UNC5D: variants seen among roughly 807,000 people sequenced by gnomAD.
The protein encoded by UNC5D is netrin receptor UNC5D.
Under a neutral mutation model 105.4 loss-of-function variants are expected in UNC5D, and 39 were observed. The observed-to-expected ratio is 0.37, with a 90% CI of 0.29 to 0.48. The LOEUF is 0.48. UNC5D is among the 20% of genes least tolerant of loss of function. The pLI, the probability that UNC5D is intolerant of heterozygous loss-of-function variation, is 0.98. For missense variants in UNC5D, 991 were observed against 1,202.4 expected, an observed-to-expected ratio of 0.82 and a Z score of 2.60; for synonymous variants, 452 against 450.4, an observed-to-expected ratio of 1.00 and a Z score of -0.04.
chr8:35,600,821 A>AT (rs1472153953), intron 4 of UNC5D, among the ~76,000 whole-genome samples: 2 of 151,918 alleles, frequency 1.3e-5, no homozygotes, highest in East Asian at 3.9e-4. Context: ...CCATTTGTCA[A>AT]TTTTGTCTTT....
At chr8:35,331,508 C>T (rs1369340072) in intron 1 of UNC5D, among the ~76,000 whole-genome samples, 2 of 152,100 alleles carry the variant, frequency 1.3e-5, no homozygotes, top group Non-Finnish European at 2.9e-5. Flanking sequence ...AGCCTCCTCG[C>T]CTGTATCACT....
intron 2 of UNC5D, among the ~76,000 whole-genome samples, chr8:35,565,297 G>A (rs916482903): frequency 6.6e-6 from 1 of 152,112 alleles, no homozygotes; most frequent in Non-Finnish European, 1.5e-5. Context: ...GGGGTAAGGT[G>A]GTAGCTTATG....
intron 1 of UNC5D, among the ~76,000 whole-genome samples, chr8:35,474,126 A>G (rs531268561): frequency 2.0e-5 from 3 of 152,340 alleles, no homozygotes; most frequent in South Asian, 4.1e-4. Flanking sequence ...CATTCACACC[A>G]TAGCAGTGTG....
chr8:35,686,412 G>A, intron 6 of UNC5D, 133 bp from the exon 7 acceptor site: 1 of 952,098 alleles, frequency 1.1e-6, no homozygotes, highest in Non-Finnish European at 1.5e-6. Flanking sequence ...AAGATAAGTG[G>A]ATATGTTCTT....
intron 1 of UNC5D, among the ~76,000 whole-genome samples, chr8:35,271,555 T>G (rs1378453140): frequency 6.9e-6 from 1 of 145,862 alleles, no homozygotes; most frequent in African/African-American, 2.5e-5. Context: ...TGTATACATA[T>G]GTATACCTAT....
intron 4 of UNC5D, among the ~76,000 whole-genome samples, chr8:35,603,337 A>G (rs1327628963): frequency 6.6e-6 from 1 of 152,082 alleles, no homozygotes; most frequent in African/African-American, 2.4e-5. Context: ...TTCAGTTTCC[A>G]TGTAGTTGAG....
chr8:35,645,129 G>T (rs1245823614), intron 4 of UNC5D, among the ~76,000 whole-genome samples: 1 of 152,040 alleles, frequency 6.6e-6, no homozygotes, highest in Non-Finnish European at 1.5e-5. Flanking sequence ...ATTACAACAT[G>T]TCCATCTACC....
intron 1 of UNC5D, among the ~76,000 whole-genome samples, chr8:35,480,132 A>G (rs10113672): frequency 0.013 from 1,920 of 152,290 alleles, 54 homozygotes; most frequent in African/African-American, 0.044. Flanking sequence ...GTAGCAAACT[A>G]GTAATTGAGA....
chr8:35,381,981 C>A (rs1280120723), intron 1 of UNC5D, among the ~76,000 whole-genome samples: 1 of 152,194 alleles, frequency 6.6e-6, no homozygotes, highest in African/African-American at 2.4e-5. Flanking sequence ...CCAGGAGAAC[C>A]TGTTTGAAAG....
chr8:35,250,064 G>T (rs1803588190), intron 1 of UNC5D, among the ~76,000 whole-genome samples: 1 of 151,910 alleles, frequency 6.6e-6, no homozygotes, highest in Non-Finnish European at 1.5e-5. Context: ...AAGTTTAAAT[G>T]GTTTTATTGG....
At chr8:35,546,349 C>A (rs1474430355) in intron 1 of UNC5D, among the ~76,000 whole-genome samples, 1 of 152,222 alleles carries the variant, frequency 6.6e-6, no homozygotes, top group East Asian at 1.9e-4. Context: ...AACTTAATTG[C>A]TTTTAGATCT....
chr8:35,688,437 C>T (rs1185300280), intron 7 of UNC5D, among the ~76,000 whole-genome samples: 1 of 152,162 alleles, frequency 6.6e-6, no homozygotes, highest in Admixed American at 6.5e-5. Flanking sequence ...CTGTATGGTT[C>T]ATACATTGGT....
intron 1 of UNC5D, among the ~76,000 whole-genome samples, chr8:35,319,510 T>C (rs1809563370): frequency 6.6e-6 from 1 of 152,174 alleles, no homozygotes; most frequent in South Asian, 2.1e-4. Context: ...AATACGTTCT[T>C]GTCTCCCTGG....
intron 1 of UNC5D, among the ~76,000 whole-genome samples, chr8:35,358,293 T>C (rs1801668009): frequency 6.6e-6 from 1 of 152,148 alleles, no homozygotes; most frequent in African/African-American, 2.4e-5. Context: ...GTGGTACATA[T>C]ACACCATGGG....
intron 1 of UNC5D, among the ~76,000 whole-genome samples, chr8:35,365,970 G>T (rs1348777502): frequency 6.6e-6 from 1 of 152,016 alleles, no homozygotes; most frequent in Non-Finnish European, 1.5e-5. Context: ...GAATAAATAA[G>T]ACATAACAAG....
intron 1 of UNC5D, among the ~76,000 whole-genome samples, chr8:35,508,595 G>A (rs1812487127): frequency 6.6e-6 from 1 of 152,208 alleles, no homozygotes; most frequent in African/African-American, 2.4e-5. Context: ...ACTGCTGGGA[G>A]GTAGAAAGTG....
intron 1 of UNC5D, among the ~76,000 whole-genome samples, chr8:35,547,285 C>CTTTTT (rs11363785): frequency 1.6e-5 from 2 of 128,018 alleles, no homozygotes; most frequent in Non-Finnish European, 3.3e-5. Flanking sequence ...GAACATTACT[C>CTTTTT]TTTTTTTTTT....
At chr8:35,562,988 A>C (rs1412312419) in intron 2 of UNC5D, among the ~76,000 whole-genome samples, 1 of 152,016 alleles carries the variant, frequency 6.6e-6, no homozygotes, top group Non-Finnish European at 1.5e-5. Flanking sequence ...ATGGTGACAG[A>C]TAAGGGTCTA....
chr8:35,719,868 T>C (rs1828481446), intron 8 of UNC5D, among the ~76,000 whole-genome samples: 1 of 152,184 alleles, frequency 6.6e-6, no homozygotes, highest in East Asian at 1.9e-4. Flanking sequence ...GCACTGGCTT[T>C]CTTTCCCTAC....
Sources: allele counts gnomAD v4.1 joint callset (sites outside exome capture counted in the v4.1 genomes callset), GRCh38; gene constraint gnomAD v4.1.1; transcripts MANE v1.5; gene names NCBI Gene and HGNC (gene_info 2026-07-23, HGNC 2026-07-21).